GMDS: variants seen among roughly 807,000 people sequenced by gnomAD.
The protein encoded by GMDS is GDP-mannose 4,6-dehydratase.
In GMDS, 20 loss-of-function variants were observed where a neutral mutation model predicts 49.9. The ratio of observed to expected loss-of-function variants is 0.40; its 90% CI spans 0.28 to 0.58. The LOEUF (loss-of-function observed/expected upper bound fraction) is 0.58, where lower values mean the gene tolerates loss of function less well. Among genes scored for constraint, GMDS ranks in the 20% least tolerant of loss-of-function variants. The probability of loss-of-function intolerance (pLI) is 0.42; values close to 1 mark genes in which losing one functional copy is unlikely to be tolerated. For synonymous variants in GMDS, 177 were observed against 178.6 expected (o/e 0.99, Z 0.07); for missense variants, 362 against 481.4 (o/e 0.75, Z 2.32).
intron 7 of GMDS, among the ~76,000 whole-genome samples, chr6:1,811,605 A>T (rs1770433703): frequency 7.2e-6 from 1 of 139,822 alleles, no homozygotes; most frequent in Non-Finnish European, 1.5e-5. Flanking sequence ...CTTTCTGGAG[A>T]CTTACGGGAA....
chr6:2,245,547 C>A lies in GMDS; in HGVS notation c.-125G>T. On this transcript the variant is annotated 5_prime_UTR_variant, in exon 1 of 11. Transcript: ENST00000380815. ...CCAGGCTGCGGGCAGGGAGGGAGAG[C>A]GCACCGCGCGACCGGCCGCCACAGT... The A allele has an allele frequency of 6.3e-6, 3 of 473,488 alleles. No individual in the cohort carries two copies. Among genetic ancestry groups the A allele is most frequent in the South Asian group, 1.0e-4 (2 of 19,806 alleles). The allele number at this position is 473,488 out of a possible 1,614,324, so 29.3% of individuals were successfully genotyped here.
chr6:1,919,695 A>G (rs1342388859), intron 7 of GMDS, among the ~76,000 whole-genome samples: 1 of 152,232 alleles, frequency 6.6e-6, no homozygotes, highest in African/African-American at 2.4e-5. Context: ...AATATTCTTC[A>G]CCTTCAATAA....
At chr6:2,078,194 C>T (rs1265141089) in intron 4 of GMDS, among the ~76,000 whole-genome samples, 1 of 151,960 alleles carries the variant, frequency 6.6e-6, no homozygotes, top group Admixed American at 6.6e-5. Context: ...AGTGATTTAT[C>T]AATTTTGTGT....
intron 9 of GMDS, among the ~76,000 whole-genome samples, chr6:1,691,491 C>A (rs936445649): frequency 2.0e-5 from 3 of 152,096 alleles, no homozygotes; most frequent in Non-Finnish European, 2.9e-5. Context: ...GCACATCCTG[C>A]ACATGGTCCC....
At chr6:1,807,092 G>A (rs1484689652) in intron 7 of GMDS, among the ~76,000 whole-genome samples, 1 of 152,080 alleles carries the variant, frequency 6.6e-6, no homozygotes, top group African/African-American at 2.4e-5. Flanking sequence ...GTCCAGGCTG[G>A]AGTGCGGTGT....
intron 6 of GMDS, among the ~76,000 whole-genome samples, chr6:1,935,521 T>G (rs1762485050): frequency 6.6e-6 from 1 of 152,212 alleles, no homozygotes. Context: ...TTCTTAGTTC[T>G]TTTATTAATA....
chr6:1,905,060 TC>T (rs944725142), intron 7 of GMDS, among the ~76,000 whole-genome samples: 12 of 152,232 alleles, frequency 7.9e-5, no homozygotes, highest in Non-Finnish European at 1.2e-4. Context: ...AGCTCTGGCA[TC>T]CATGACATGA....
intron 7 of GMDS, among the ~76,000 whole-genome samples, chr6:1,878,338 AGT>A (rs1759199494): frequency 6.9e-6 from 1 of 143,950 alleles, no homozygotes; most frequent in Non-Finnish European, 1.5e-5. Context: ...AAAAAAAAAA[AGT>A]TATCCAGGCA....
At chr6:1,814,963 A>G (rs1401693626) in intron 7 of GMDS, among the ~76,000 whole-genome samples, 1 of 152,232 alleles carries the variant, frequency 6.6e-6, no homozygotes, top group Non-Finnish European at 1.5e-5. Context: ...TCAAATATGG[A>G]AAACAAAATA....
intron 7 of GMDS, among the ~76,000 whole-genome samples, chr6:1,862,800 AAC>A (rs1022326512): frequency 6.6e-6 from 1 of 152,234 alleles, no homozygotes; most frequent in Non-Finnish European, 1.5e-5. Flanking sequence ...TAATGGGGAT[AAC>A]ATAAGATTTA....
At chr6:2,140,267 A>T (rs1051864560) in intron 1 of GMDS, among the ~76,000 whole-genome samples, 1 of 152,130 alleles carries the variant, frequency 6.6e-6, no homozygotes, top group Non-Finnish European at 1.5e-5. Context: ...AGACGAGGCC[A>T]CGAGACCACA....
At chr6:2,232,848 C>A (rs767647858) in intron 1 of GMDS, among the ~76,000 whole-genome samples, 19 of 152,140 alleles carry the variant, frequency 1.2e-4, no homozygotes, top group Non-Finnish European at 2.6e-4. Context: ...TCCATAACCA[C>A]ACTACTCCTT....
chr6:1,687,651 G>C (rs766781462), intron 9 of GMDS, among the ~76,000 whole-genome samples: 2 of 152,132 alleles, frequency 1.3e-5, no homozygotes, highest in African/African-American at 4.8e-5. Context: ...CCATTCTAGC[G>C]GGAGGAGAGA....
intron 1 of GMDS, among the ~76,000 whole-genome samples, chr6:2,199,184 C>T (rs1779400764): frequency 6.6e-6 from 1 of 152,144 alleles, no homozygotes; most frequent in African/African-American, 2.4e-5. Flanking sequence ...TTGTTTTTAA[C>T]TTCATGTCCA....
At chr6:2,149,460 A>G (rs1332640386) in intron 1 of GMDS, among the ~76,000 whole-genome samples, 2 of 152,180 alleles carry the variant, frequency 1.3e-5, no homozygotes, top group Admixed American at 6.5e-5. Context: ...AAACACGCAC[A>G]TAAGGATTAT....
intron 4 of GMDS, among the ~76,000 whole-genome samples, chr6:2,051,453 T>C (rs187252356): frequency 6.6e-6 from 1 of 152,350 alleles, no homozygotes; most frequent in East Asian, 1.9e-4. Context: ...AATACACTAA[T>C]TGATTTTAAA....
intron 4 of GMDS, among the ~76,000 whole-genome samples, chr6:2,002,446 TCTTAC>T (rs1333961729): frequency 6.6e-6 from 1 of 152,232 alleles, no homozygotes; most frequent in Non-Finnish European, 1.5e-5. Context: ...CATAATCCTT[TCTTAC>T]CTTTACTGTT....
chr6:2,062,308 C>A (rs1771230630), intron 4 of GMDS, among the ~76,000 whole-genome samples: 1 of 152,168 alleles, frequency 6.6e-6, no homozygotes, highest in Non-Finnish European at 1.5e-5. Flanking sequence ...ATAGATCTAT[C>A]TACTGCAAAA....
At chr6:1,751,967 T>C (rs1174448514) in intron 7 of GMDS, among the ~76,000 whole-genome samples, 4 of 152,158 alleles carry the variant, frequency 2.6e-5, no homozygotes, top group African/African-American at 9.7e-5. Flanking sequence ...AAAACCAGAA[T>C]GCCTCTTCTC....
Sources: gnomAD v4.1 joint callset for allele counts (sites outside exome capture counted in the v4.1 genomes callset) on GRCh38, gnomAD v4.1.1 for gene constraint, MANE v1.5 for transcripts, NCBI Gene and HGNC (gene_info 2026-07-23, HGNC 2026-07-21) for gene names.